SMCO2: variants seen among roughly 807,000 people sequenced by gnomAD.
The protein encoded by SMCO2 is single-pass membrane protein with coiled-coil domains 2.
SMCO2 carries 25 observed loss-of-function variants against 29.5 expected under a neutral mutation model. The observed-to-expected ratio is 0.85, with a 90% confidence interval of 0.62 to 1.18. SMCO2 has a LOEUF of 1.18. Among genes scored for constraint, SMCO2 ranks in the 50% most tolerant of loss-of-function variants. The pLI is 0.00. For synonymous variants in SMCO2, 117 were observed against 123.3 expected, an observed-to-expected ratio of 0.95 and a Z score of 0.34; for missense variants, 348 against 344.5, an observed-to-expected ratio of 1.01 and a Z score of -0.08.
upstream of SMCO2, among the ~76,000 whole-genome samples, chr12:27,462,433 A>G (rs866731046): frequency 5.9e-5 from 9 of 152,220 alleles, no homozygotes; most frequent in Non-Finnish European, 5.9e-5. Context: ...CCAGATGTAC[A>G]ATGAATAATA....
the SMCO2 span, among the ~76,000 whole-genome samples, chr12:27,434,061 A>G: frequency 6.6e-6 from 1 of 152,220 alleles, no homozygotes. Context: ...AAGAACAACC[A>G]TTAGAGAGTA....
chr12:27,470,553 G>C, intron 1 of SMCO2, 69 bp from the exon 2 acceptor site: 1 of 1,495,120 alleles, frequency 6.7e-7, no homozygotes, highest in South Asian at 1.3e-5. Flanking sequence ...TTAGTCTGGT[G>C]TCAATGAAGA....
the SMCO2 span, among the ~76,000 whole-genome samples, chr12:27,436,271 G>A: frequency 6.6e-6 from 1 of 152,188 alleles, no homozygotes; most frequent in Non-Finnish European, 1.5e-5. Flanking sequence ...CCTTGGGTGG[G>A]GAGCTCATCA....
the SMCO2 span, among the ~76,000 whole-genome samples, chr12:27,441,084 A>G: frequency 5.9e-5 from 9 of 151,730 alleles, no homozygotes; most frequent in Non-Finnish European, 1.2e-4. Flanking sequence ...ATGGCAAAAC[A>G]TGTCTCCACA....
At chr12:27,468,126 A>G (rs1162223276) in intron 1 of SMCO2, among the ~76,000 whole-genome samples, 1 of 152,186 alleles carries the variant, frequency 6.6e-6, no homozygotes. Context: ...TGAGGCCCCC[A>G]GACAATAAGA....
chr12:27,423,616 A>G, the SMCO2 span: 1 of 152,266 alleles, frequency 6.6e-6, no homozygotes, highest in Non-Finnish European at 1.5e-5. Context: ...GGCATGAGCC[A>G]CTGCGCCCGG....
chr12:27,430,897 C>T, the SMCO2 span, among the ~76,000 whole-genome samples: 38 of 152,092 alleles, frequency 2.5e-4, no homozygotes, highest in Non-Finnish European at 5.3e-4. Context: ...GATGCATGCT[C>T]TCAACTGTGA....
the SMCO2 span, among the ~76,000 whole-genome samples, chr12:27,442,308 A>G: frequency 3.9e-5 from 6 of 152,130 alleles, no homozygotes; most frequent in African/African-American, 1.4e-4. Flanking sequence ...AGACTAATTT[A>G]AAAAAGAGCA....
At chr12:27,463,333 C>T (rs113673969), upstream of SMCO2, among the ~76,000 whole-genome samples, 4 of 152,116 alleles carry the variant, frequency 2.6e-5, no homozygotes, top group Non-Finnish European at 4.4e-5. Flanking sequence ...GGCATGATCT[C>T]GGCTCACTGC....
At chr12:27,433,402 TAGAA>T in the SMCO2 span, among the ~76,000 whole-genome samples, 2 of 151,924 alleles carry the variant, frequency 1.3e-5, no homozygotes, top group Non-Finnish European at 2.9e-5. Flanking sequence ...CTTATATAAA[TAGAA>T]AGAGGACATC....
intron 4 of SMCO2, 114 bp from the exon 5 acceptor site, chr12:27,475,468 G>T: frequency 2.6e-6 from 3 of 1,164,588 alleles, no homozygotes; most frequent in Non-Finnish European, 2.2e-6. Flanking sequence ...GGCCCATTTT[G>T]GTGACAAGGA....
At chr12:27,502,120 A>G (rs1395575985) in exon 8 of SMCO2, 16 of 1,525,216 alleles carry the variant, frequency 1.0e-5, no homozygotes, top group Non-Finnish European at 1.3e-5. Context: ...TTACCCTCCT[A>G]AAGATACAGA....
intron 4 of SMCO2, chr12:27,475,669 C>A (rs367878856): frequency 6.5e-7 from 1 of 1,548,202 alleles, no homozygotes; most frequent in Non-Finnish European, 8.7e-7. Context: ...ATTACATAGA[C>A]GGAACGGAGA....
chr12:27,448,004 G>T, the SMCO2 span, among the ~76,000 whole-genome samples: 1 of 152,140 alleles, frequency 6.6e-6, no homozygotes, highest in Non-Finnish European at 1.5e-5. Context: ...GCAGGGACAG[G>T]AACTGTATCT....
chr12:27,490,732 C>A (rs1018555691), intron 5 of SMCO2, among the ~76,000 whole-genome samples: 1 of 152,096 alleles, frequency 6.6e-6, no homozygotes, highest in Non-Finnish European at 1.5e-5. Context: ...GAGTTTGAGA[C>A]CAGCCACGGC....
the SMCO2 span, among the ~76,000 whole-genome samples, chr12:27,427,350 G>T: frequency 7.2e-5 from 11 of 152,154 alleles, no homozygotes; most frequent in African/African-American, 2.4e-4. Context: ...CCAGTAAGTT[G>T]TCATGTGATG....
the SMCO2 span, among the ~76,000 whole-genome samples, chr12:27,447,629 G>A: frequency 2.6e-5 from 4 of 151,224 alleles, no homozygotes; most frequent in East Asian, 3.9e-4. Context: ...ATGGTGATCC[G>A]CATCTGTAGT....
At chr12:27,427,544 C>T in the SMCO2 span, among the ~76,000 whole-genome samples, 2,327 of 152,198 alleles carry the variant, frequency 0.015, 66 homozygotes, top group African/African-American at 0.054. Flanking sequence ...TTTTGCCTTC[C>T]GTTTATAACA....
chr12:27,470,867 T>C (rs1949535691), intron 2 of SMCO2, 102 bp downstream of exon 2: 1 of 1,308,084 alleles, frequency 7.6e-7, no homozygotes, highest in East Asian at 2.6e-5. Context: ...GTTCAGAGTC[T>C]AGGTTGACAG....
Sources: gnomAD v4.1 joint callset for allele counts (sites outside exome capture counted in the v4.1 genomes callset) on GRCh38, gnomAD v4.1.1 for gene constraint, MANE v1.5 for transcripts, NCBI Gene and HGNC (gene_info 2026-07-23, HGNC 2026-07-21) for gene names.